Variants in C7orf33 observed in about 807,000 individuals in gnomAD.
C7orf33 encodes the protein uncharacterized protein C7orf33.
Under a neutral mutation model 13.4 loss-of-function variants are expected in C7orf33, and 15 were observed. That is an observed-to-expected ratio of 1.12 (90% CI 0.75 to 1.72). The LOEUF is 1.72. Ranked by LOEUF, C7orf33 falls within the 40% of genes most tolerant of loss-of-function variation. The probability of loss-of-function intolerance (pLI) is 0.00; values close to 1 mark genes in which losing one functional copy is unlikely to be tolerated. For missense variants in C7orf33, 187 were observed against 220.3 expected (o/e 0.85, Z 0.96); for synonymous variants, 73 against 83.2 (o/e 0.88, Z 0.67).
chr7:148,599,737 T>C (rs1796391783), intron 1 of C7orf33, among the ~76,000 whole-genome samples: 1 of 152,232 alleles, frequency 6.6e-6, no homozygotes, highest in Admixed American at 6.5e-5. Context: ...CCTCCCAAAG[T>C]GCTGGGATTA....
At chr7:148,612,237 T>A (rs559079097) in intron 1 of C7orf33, among the ~76,000 whole-genome samples, 1 of 152,352 alleles carries the variant, frequency 6.6e-6, no homozygotes, top group East Asian at 1.9e-4. Flanking sequence ...GTTTTCTTAT[T>A]TCTTGGTTCT....
At chr7:148,600,255 G>C (rs1031800331) in intron 1 of C7orf33, among the ~76,000 whole-genome samples, 5 of 152,176 alleles carry the variant, frequency 3.3e-5, no homozygotes, top group African/African-American at 1.2e-4. Context: ...GATCACTTGA[G>C]ATCAGGAGTT....
intron 2 of C7orf33, among the ~76,000 whole-genome samples, chr7:148,614,753 A>G (rs1327835590): frequency 6.6e-6 from 1 of 152,180 alleles, no homozygotes; most frequent in Admixed American, 6.5e-5. Context: ...GGTGCCTCAA[A>G]CCACAGTATC....
chr7:148,596,370 C>G (rs1160114835), intron 1 of C7orf33, among the ~76,000 whole-genome samples: 7 of 152,190 alleles, frequency 4.6e-5, no homozygotes, highest in Admixed American at 3.9e-4. Flanking sequence ...CATGCATCTT[C>G]TGTTACAGTC....
At chr7:148,602,126 C>G (rs1796423567) in intron 1 of C7orf33, among the ~76,000 whole-genome samples, 1 of 152,066 alleles carries the variant, frequency 6.6e-6, no homozygotes, top group African/African-American at 2.4e-5. Flanking sequence ...GTCAGTTTAT[C>G]TAATTGAGAT....
chr7:148,612,773 C>G lies in C7orf33; in HGVS notation c.205-1269C>G, dbSNP rs901782828. 2.0e-5 allele frequency among the ~76,000 whole-genome samples: 3 copies of G among 151,624 alleles called. No homozygotes were observed. In the Admixed American group the frequency reaches 2.0e-4, roughly 10 times the overall value. The stretch of plus-strand genomic sequence containing the variant: ...GGTGAGGATGTGGAGAAATTGACAC[C>G]CTCATGCATTGCCAGTGGGAATACA... On this transcript the variant is annotated intron_variant, in intron 1 of 2. Coordinates refer to ENST00000307003, the MANE Select transcript of C7orf33 (RefSeq NM_145304.4).
chr7:148,601,660 C>T (rs994154199), intron 1 of C7orf33, among the ~76,000 whole-genome samples: 1 of 152,014 alleles, frequency 6.6e-6, no homozygotes, highest in Non-Finnish European at 1.5e-5. Flanking sequence ...TTTAAGCAAC[C>T]CACTTGTTAT....
At chr7:148,598,745 TATATATATATATATATATAG>T (rs1261026595) in intron 1 of C7orf33, among the ~76,000 whole-genome samples, 6 of 71,104 alleles carry the variant, frequency 8.4e-5, no homozygotes, top group African/African-American at 2.8e-4. Flanking sequence ...TATATATATA[TATATATATATATATATATAG>T]AGAGAGAGAG....
At chr7:148,592,662 A>G (rs1250116643) in intron 1 of C7orf33, among the ~76,000 whole-genome samples, 2 of 150,866 alleles carry the variant, frequency 1.3e-5, no homozygotes, top group Non-Finnish European at 3.0e-5. Flanking sequence ...TTACAGGTGC[A>G]CGCCACCATG....
chr7:148,613,417 T>C (rs1796567662), intron 1 of C7orf33, among the ~76,000 whole-genome samples: 1 of 152,228 alleles, frequency 6.6e-6, no homozygotes, highest in South Asian at 2.1e-4. Context: ...ACAACCCAAA[T>C]GTCCACCAAA....
chr7:148,601,789 T>C (rs758057), intron 1 of C7orf33, among the ~76,000 whole-genome samples: 57,702 of 151,934 alleles, frequency 0.38, 14,480 homozygotes, highest in African/African-American at 0.72. Flanking sequence ...GCTCTGTTGC[T>C]CAGGCTAGAA....
intron 1 of C7orf33, among the ~76,000 whole-genome samples, chr7:148,593,759 C>G (rs1285961160): frequency 1.3e-5 from 2 of 152,018 alleles, no homozygotes; most frequent in African/African-American, 4.8e-5. Context: ...AACGGAGACT[C>G]CCAACTGGGA....
In C7orf33 at chr7:148,608,696, T is replaced by G. The variant is rs539866534; in HGVS notation, c.205-5346T>G. 2.7e-5 allele frequency among the ~76,000 whole-genome samples: 4 copies of G among 150,882 alleles called. No homozygotes were observed. In the East Asian group the frequency reaches 8.0e-4, roughly 30 times the overall value. On this transcript the variant is annotated intron_variant, in intron 1 of 2. Coordinates refer to ENST00000307003, the MANE Select transcript of C7orf33 (RefSeq NM_145304.4). ...CAGGCGTGGTGGCGCATGCCTGTAG[T>G]CCCAGCTACTCGGGGAGGCTGAGGG...
chr7:148,603,661 C>G (rs541719294), intron 1 of C7orf33, among the ~76,000 whole-genome samples: 5 of 152,222 alleles, frequency 3.3e-5, no homozygotes, highest in African/African-American at 1.2e-4. Flanking sequence ...ATGGATCCCA[C>G]AGAAACAAAG....
intron 1 of C7orf33, among the ~76,000 whole-genome samples, chr7:148,598,763 T>TAGAGAGAG (rs774619392): frequency 1.9e-4 from 5 of 26,196 alleles, no homozygotes; most frequent in South Asian, 2.0e-3. Flanking sequence ...TATATATATA[T>TAGAGAGAG]AGAGAGAGAG....
intron 1 of C7orf33, among the ~76,000 whole-genome samples, chr7:148,599,122 C>A (rs1377349431): frequency 6.6e-6 from 1 of 152,028 alleles, no homozygotes; most frequent in Non-Finnish European, 1.5e-5. Context: ...CTACGCCTCC[C>A]AAAGTGCTGG....
intron 1 of C7orf33, among the ~76,000 whole-genome samples, chr7:148,604,185 G>A (rs111831596): frequency 0.054 from 8,108 of 150,556 alleles, 301 homozygotes; most frequent in South Asian, 0.11. Context: ...GGAGTGCAGC[G>A]GCACAATCTC....
rs1323963341 is a variant in C7orf33, at chr7:148,591,041, G to T, written c.116G>T (p.Arg39Leu). The T allele has an allele frequency of 6.2e-7, 1 of 1,614,126 alleles. No individual in the cohort carries two copies. Among genetic ancestry groups the T allele is most frequent in the Admixed American group, 1.7e-5 (1 of 60,016 alleles). ...PSGARRRIDL[R>L]LSGRAVAVWV... ...GGGGCAAGGCGCCGGATTGACCTTC[G>T]CCTGAGTGGGAGGGCAGTCGCTGTT... is the stretch of plus-strand genomic sequence containing the variant. The change falls in exon 1 of 3, where the codon CGC becomes CTC. Residue 39 changes from arginine (R) to leucine (L), a missense_variant. By Grantham distance (102) the Arg-to-Leu change is moderately radical. Transcript: ENST00000307003.
intron 1 of C7orf33, among the ~76,000 whole-genome samples, chr7:148,608,351 A>C (rs1392871300): frequency 1.3e-5 from 2 of 151,850 alleles, no homozygotes; most frequent in African/African-American, 4.8e-5. Flanking sequence ...AATCGCTTGA[A>C]CCCAGGAGGC....
Sources: allele counts gnomAD v4.1 joint callset (sites outside exome capture counted in the v4.1 genomes callset), GRCh38; gene constraint gnomAD v4.1.1; transcripts MANE v1.5; gene names NCBI Gene and HGNC (gene_info 2026-07-23, HGNC 2026-07-21).